Variants in CD58 observed in about 807,000 individuals in gnomAD.
CD58 encodes the protein lymphocyte function-associated antigen 3.
Under a neutral mutation model 27.6 loss-of-function variants are expected in CD58, and 14 were observed. The ratio of observed to expected loss-of-function variants is 0.51; its 90% confidence interval spans 0.34 to 0.79. CD58 has a LOEUF of 0.79. CD58 is among the 30% of genes least tolerant of loss of function. CD58 has a pLI of 0.02. For missense variants in CD58, 268 were observed against 301.7 expected (o/e 0.89, Z 0.83); for synonymous variants, 117 against 103.8 (o/e 1.13, Z -0.77).
chr1:116,533,003 T>G, intron 3 of CD58: 1 of 755,292 alleles, frequency 1.3e-6, no homozygotes, highest in Non-Finnish European at 2.3e-6. Context: ...CTCATCCTCA[T>G]CTTCTCCCTC....
intron 2 of CD58, among the ~76,000 whole-genome samples, chr1:116,539,629 C>T (rs1422571040): frequency 6.6e-6 from 1 of 152,196 alleles, no homozygotes; most frequent in Non-Finnish European, 1.5e-5. Flanking sequence ...TAGGTAGAAG[C>T]TCTTTCTGGC....
Position 116,521,936 on chromosome 1 carries a change from T to A in CD58, c.676A>T (p.Ile226Phe), listed in dbSNP as rs948674038. The A allele has an allele frequency of 3.8e-6, 6 of 1,577,050 alleles. No homozygotes were observed. Among genetic ancestry groups the A allele is most frequent in the Non-Finnish European group, 5.2e-6 (6 of 1,148,770 alleles). Reference protein sequence around the residue: ...YALIPIPLAVITTCIVLYMNG... With the variant: ...YALIPIPLAVFTTCIVLYMNG... ...ATATACAGCACAATACATGTTGTAATTACTGCTAATGGTATGGGTATAAGT... is the reference window on the plus strand; with the variant it reads ...ATATACAGCACAATACATGTTGTAAATACTGCTAATGGTATGGGTATAAGT... Residue 226 changes from isoleucine (I) to phenylalanine (F), a missense_variant, in exon 4 of 6, where the codon ATT becomes TTT. Physicochemically the swap from Ile to Phe is conservative, Grantham distance 21. Coordinates refer to ENST00000369489, the MANE Select transcript of CD58 (RefSeq NM_001779.3). The surrounding 1 kb of genome is among the most constrained non-coding windows in gnomAD (Gnocchi z 5.6).
intron 1 of CD58, among the ~76,000 whole-genome samples, chr1:116,545,791 G>A (rs1179559168): frequency 1.3e-5 from 2 of 152,016 alleles, no homozygotes; most frequent in Non-Finnish European, 2.9e-5. Flanking sequence ...CAACCTAGTT[G>A]TTAAACATTT....
rs1657197680 is a variant in CD58 at position 116,519,481 on chromosome 1, C to T, written c.707-214G>A. Among the ~76,000 whole-genome samples the T allele has an allele frequency of 6.6e-6, 1 of 152,116 alleles. No homozygotes were observed. ...AAATTGGTCAGAACATGATAGAAAA[C>T]CAAATGCAAAAACTGTTGACAAAAT... On this transcript the variant is annotated intron_variant, in intron 4 of 5. Transcript: ENST00000369489. The surrounding 1 kb of genome is among the most constrained non-coding windows in gnomAD (Gnocchi z 4.7).
At chr1:116,542,263 G>T (rs1050885937) in intron 2 of CD58, among the ~76,000 whole-genome samples, 4 of 152,158 alleles carry the variant, frequency 2.6e-5, no homozygotes, top group African/African-American at 4.8e-5. Context: ...GGGCAACAAG[G>T]GCGAAACCCC....
At chr1:116,554,754 C>A (rs1557842609) in intron 1 of CD58, among the ~76,000 whole-genome samples, 1 of 151,918 alleles carries the variant, frequency 6.6e-6, no homozygotes, top group Non-Finnish European at 1.5e-5. Flanking sequence ...GACAAATATC[C>A]TATTACTATT....
chr1:116,554,188 T>C (rs1175560984), intron 1 of CD58, among the ~76,000 whole-genome samples: 2 of 152,196 alleles, frequency 1.3e-5, no homozygotes, highest in Non-Finnish European at 2.9e-5. Context: ...TGCATAATGA[T>C]ATTCATTTTA....
At chr1:116,533,260 C>T in intron 3 of CD58, 1 of 1,004,764 alleles carries the variant, frequency 1.0e-6, no homozygotes, top group East Asian at 2.4e-5. Flanking sequence ...ATTGTTCTAA[C>T]AGTGCCTGGA....
At chr1:116,551,515 CTTTGGATT>C (rs557106995) in intron 1 of CD58, among the ~76,000 whole-genome samples, 1 of 152,312 alleles carries the variant, frequency 6.6e-6, no homozygotes, top group African/African-American at 2.4e-5. Flanking sequence ...CTGGATTAGG[CTTTGGATT>C]AAGGGAATGT....
intron 1 of CD58, among the ~76,000 whole-genome samples, chr1:116,568,014 A>G (rs781408852): frequency 6.7e-6 from 1 of 149,754 alleles, no homozygotes; most frequent in Non-Finnish European, 1.5e-5. Context: ...CGGTAAAGCA[A>G]CTAGCCCAGA....
At position 116,563,891 on chromosome 1, in the gene CD58, A is replaced by G. The variant is rs533935853; in HGVS notation, c.70+7012T>C. Among the ~76,000 whole-genome samples the G allele has an allele frequency of 3.5e-4, 54 of 152,312 alleles. No individual in the cohort carries two copies. The highest frequency in any genetic ancestry group is 1.3e-3 in the African/African-American group (53 of 41,572). ...CTTCGTGATTAACATTTGGCTCCTC[A>G]TTACTTAATGCAAATTTCTGCAGCT... On this transcript the variant is annotated intron_variant, in intron 1 of 5. Coordinates refer to ENST00000369489, the MANE Select transcript of CD58 (RefSeq NM_001779.3). The surrounding 1 kb of genome is among the most constrained non-coding windows in gnomAD (Gnocchi z 4.1).
chr1:116,551,348 C>T (rs1410037332), intron 1 of CD58, among the ~76,000 whole-genome samples: 2 of 152,232 alleles, frequency 1.3e-5, no homozygotes, highest in East Asian at 3.8e-4. Flanking sequence ...GCAGCTTCTA[C>T]ATCAACACTT....
In CD58 at chr1:116,527,947, G is replaced by A. The variant is rs1657479702; in HGVS notation, c.629-5964C>T. On this transcript the variant is annotated intron_variant, in intron 3 of 5. Coordinates refer to ENST00000369489, the MANE Select transcript of CD58 (RefSeq NM_001779.3). The surrounding 1 kb of genome is among the most constrained non-coding windows in gnomAD (Gnocchi z 4.4). The stretch of plus-strand genomic sequence containing the variant: ...CTCAGTAACTTTTTAATTTTTAGTA[G>A]AGATAGGGTCTCCCTATGTTGCCCA... Among the ~76,000 whole-genome samples the A allele has an allele frequency of 6.6e-6, 1 of 152,142 alleles. No homozygotes were observed. The highest frequency in any genetic ancestry group is 1.5e-5 in the Non-Finnish European group (1 of 68,022).
chr1:116,555,619 T>C (rs1466874313), intron 1 of CD58, among the ~76,000 whole-genome samples: 1 of 152,222 alleles, frequency 6.6e-6, no homozygotes, highest in African/African-American at 2.4e-5. Flanking sequence ...ACTACATGTA[T>C]AGAGTGATCA....
chr1:116,544,539 G>A lies in CD58; in HGVS notation c.136C>T (p.Pro46Ser), dbSNP rs1222786227. 1.2e-6 allele frequency: 2 copies of A among 1,613,122 alleles called. No homozygotes were observed. The change falls in exon 2 of 6, where the codon CCA (proline) becomes TCA (serine). Residue 46 changes from proline to serine, a missense_variant. By Grantham distance (74) the Pro-to-Ser change is moderately conservative. Transcript: ENST00000369489. The part of the protein sequence containing the change: ...VVYGNVTFHV[P>S]SNVPLKEVLW... ...ACCTCTTTTAAAGGCACATTGCTTG[G>A]TACATGGAAAGTTACATTCCCATAC... is the stretch of plus-strand genomic sequence containing the variant.
At position 116,515,873 on chromosome 1, in the gene CD58, GTCTGCTA is replaced by G. The variant is rs1312247688; in HGVS notation, c.744-1058_744-1052del. ...GTGGCGTGGCCATTTCCCGTCAGAT[GTCTGCTA>G]TCTACTCATCTGTCCTCTGTTGTTC... On this transcript the variant is annotated intron_variant, in intron 5 of 5. Coordinates refer to ENST00000369489, the MANE Select transcript of CD58 (RefSeq NM_001779.3). This position sits in a 1 kb window ranked among gnomAD's most constrained non-coding sequence, Gnocchi z 4.6. Among the ~76,000 whole-genome samples, 2 of 152,134 alleles carry G rather than the reference GTCTGCTA, an allele frequency of 1.3e-5. No homozygotes were observed. Among genetic ancestry groups the G allele is most frequent in the Non-Finnish European group, 2.9e-5 (2 of 68,018 alleles).
intron 3 of CD58, chr1:116,533,242 G>C (rs757947955): frequency 1.1e-6 from 1 of 873,536 alleles, no homozygotes; most frequent in Non-Finnish European, 1.9e-6. Context: ...TTGGATACTT[G>C]TTTGGTAATT....
rs141203016 is a variant in CD58 at position 116,530,809 on chromosome 1, T to C, written c.628+5156A>G. 1.4e-3 allele frequency among the ~76,000 whole-genome samples: 220 copies of C among 152,312 alleles called. 1 individual carries two copies. Among genetic ancestry groups the C allele is most frequent in the Admixed American group, 4.9e-3 (75 of 15,304 alleles). ...AAAAAAAAAGATCCTAGACTGTTAC[T>C]GTTCAAAAGAACCATTAAGATCATT... On this transcript the variant is annotated intron_variant, in intron 3 of 5. Transcript: ENST00000369489.
chr1:116,514,964 G>C (rs1453967163), intron 5 of CD58, 142 bp from the exon 6 acceptor site: 1 of 585,248 alleles, frequency 1.7e-6, no homozygotes, highest in East Asian at 3.0e-5. Context: ...AGGGAGCAGG[G>C]ATGGAGGAAG....
Sources: allele counts gnomAD v4.1 joint callset (sites outside exome capture counted in the v4.1 genomes callset), GRCh38; gene constraint gnomAD v4.1.1; non-coding constraint Gnocchi (gnomAD v3.1); transcripts MANE v1.5; gene names NCBI Gene and HGNC (gene_info 2026-07-23, HGNC 2026-07-21).